The following PAN3 variants were observed in gnomAD, a reference collection of about 807,000 sequenced individuals.
PAN3 encodes poly(A) specific ribonuclease subunit PAN3.
Under a neutral mutation model 96.2 loss-of-function variants are expected in PAN3, and 19 were observed. That is an observed-to-expected ratio of 0.20 (90% CI 0.14 to 0.29). The LOEUF (loss-of-function observed/expected upper bound fraction) is 0.29, where lower values mean the gene tolerates loss of function less well. Ranked by LOEUF, PAN3 falls within the 10% of genes least tolerant of loss-of-function variation. PAN3 has a pLI of 1.00. For missense variants in PAN3, 882 were observed against 1,108.1 expected (o/e 0.80, Z 2.90); for synonymous variants, 433 against 406.6 (o/e 1.06, Z -0.78).
intron 2 of PAN3, 55 bp from the exon 3 acceptor site, chr13:28,176,438 T>G: frequency 6.7e-7 from 1 of 1,502,602 alleles, no homozygotes; most frequent in Non-Finnish European, 9.3e-7. Context: ...ATTGGTTGGA[T>G]ACTTTTATTT....
At chr13:28,218,313 G>T (rs564302868) in intron 5 of PAN3, among the ~76,000 whole-genome samples, 4 of 152,016 alleles carry the variant, frequency 2.6e-5, no homozygotes, top group African/African-American at 9.6e-5. Context: ...GTGTGCTGTT[G>T]TACCTGAATC....
chr13:28,153,221 T>C (rs1339345583), intron 1 of PAN3, among the ~76,000 whole-genome samples: 1 of 150,878 alleles, frequency 6.6e-6, no homozygotes, highest in African/African-American at 2.4e-5. Flanking sequence ...TACAAAACTA[T>C]GTATAATACG....
intron 1 of PAN3, among the ~76,000 whole-genome samples, chr13:28,141,466 T>TC (rs1869815431): frequency 2.4e-5 from 3 of 126,552 alleles, no homozygotes; most frequent in Non-Finnish European, 4.8e-5. Flanking sequence ...TTTTTTCTTT[T>TC]TTTTTTTTTT....
intron 4 of PAN3, among the ~76,000 whole-genome samples, chr13:28,182,388 C>A (rs550332779): frequency 6.6e-6 from 1 of 152,256 alleles, no homozygotes; most frequent in African/African-American, 2.4e-5. Context: ...CTTCCCCCTA[C>A]TTCTTCCATT....
At chr13:28,167,081 A>AT (rs1566151683) in intron 1 of PAN3, among the ~76,000 whole-genome samples, 46 of 127,602 alleles carry the variant, frequency 3.6e-4, no homozygotes, top group African/African-American at 1.5e-3. Flanking sequence ...TTTTTATCTT[A>AT]ATTTTTTTTT....
intron 1 of PAN3, among the ~76,000 whole-genome samples, chr13:28,154,828 C>G (rs995980405): frequency 1.6e-5 from 2 of 124,956 alleles, no homozygotes; most frequent in Non-Finnish European, 3.4e-5. Context: ...TTTTTCTTTT[C>G]TTTTTTTTTT....
intron 5 of PAN3, among the ~76,000 whole-genome samples, chr13:28,203,482 A>G (rs566330241): frequency 1.7e-4 from 26 of 151,312 alleles, no homozygotes; most frequent in African/African-American, 5.8e-4. Context: ...TTTTCTTTGT[A>G]TTTTTTTGTA....
At chr13:28,235,102 G>A (rs760193240) in intron 6 of PAN3, among the ~76,000 whole-genome samples, 6 of 151,992 alleles carry the variant, frequency 3.9e-5, no homozygotes, top group Admixed American at 2.0e-4. Flanking sequence ...TGTGTACTCC[G>A]TTCTGGCCTT....
chr13:28,140,699 G>GTTCTT (rs71866313), intron 1 of PAN3, among the ~76,000 whole-genome samples: 41,196 of 151,568 alleles, frequency 0.27, 7,526 homozygotes, highest in African/African-American at 0.52. Flanking sequence ...GTTCTGTTCT[G>GTTCTT]TTCTTTTCTC....
At chr13:28,234,745 T>C (rs563191238) in intron 6 of PAN3, among the ~76,000 whole-genome samples, 5 of 152,264 alleles carry the variant, frequency 3.3e-5, no homozygotes, top group African/African-American at 9.6e-5. Flanking sequence ...TATTTTTCTT[T>C]CTTTTTTGTT....
intron 18 of PAN3, among the ~76,000 whole-genome samples, chr13:28,290,909 T>A (rs1226779333): frequency 6.6e-6 from 1 of 151,840 alleles, no homozygotes; most frequent in Non-Finnish European, 1.5e-5. Context: ...GAATAAGCCA[T>A]GGACAGTTGC....
At chr13:28,199,430 G>A (rs1160540527) in intron 5 of PAN3, among the ~76,000 whole-genome samples, 2 of 151,936 alleles carry the variant, frequency 1.3e-5, no homozygotes, top group Non-Finnish European at 2.9e-5. Flanking sequence ...TATTGAATTG[G>A]TGTTATCTGA....
chr13:28,230,379 G>A (rs1279725165), intron 6 of PAN3, among the ~76,000 whole-genome samples: 1 of 150,342 alleles, frequency 6.7e-6, no homozygotes, highest in African/African-American at 2.4e-5. Context: ...TACTGTGGCT[G>A]TTTAAAATAT....
At chr13:28,233,175 G>GA (rs1285568376) in intron 6 of PAN3, among the ~76,000 whole-genome samples, 1 of 151,720 alleles carries the variant, frequency 6.6e-6, no homozygotes, top group African/African-American at 2.4e-5. Context: ...TTAAAAAGTG[G>GA]AAAAAAATTA....
chr13:28,158,167 A>C (rs568880011), intron 1 of PAN3, among the ~76,000 whole-genome samples: 38 of 152,326 alleles, frequency 2.5e-4, no homozygotes, highest in African/African-American at 9.1e-4. Context: ...GAAACTGGAC[A>C]CCTTTGTTAC....
At chr13:28,163,884 T>C (rs1028070921) in intron 1 of PAN3, among the ~76,000 whole-genome samples, 3 of 152,184 alleles carry the variant, frequency 2.0e-5, no homozygotes, top group African/African-American at 7.2e-5. Flanking sequence ...TACTCAGTTG[T>C]CTTAAGTCCA....
At chr13:28,268,771 A>G (rs1886383861) in intron 12 of PAN3, among the ~76,000 whole-genome samples, 1 of 152,172 alleles carries the variant, frequency 6.6e-6, no homozygotes, top group African/African-American at 2.4e-5. Context: ...TCAAGACTCT[A>G]ATTATAGACA....
rs544582471 is a variant in PAN3, at chr13:28,263,403, G to C, written c.1411+1945G>C. ...GCTGGAGTACAGTGGCGTGATCGCA[G>C]CTCACTGCAACCTCCGCCTCCTGGG... On this transcript the variant is annotated intron_variant, in intron 9 of 18. Coordinates refer to ENST00000380958, the MANE Select transcript of PAN3 (RefSeq NM_175854.8). Among the ~76,000 whole-genome samples, 4 of 152,354 alleles carry C rather than the reference G, an allele frequency of 2.6e-5. No individual in the cohort carries two copies. The South Asian group carries it at 8.3e-4, about 32-fold the overall frequency.
intron 1 of PAN3, among the ~76,000 whole-genome samples, chr13:28,160,089 A>G (rs910242680): frequency 6.6e-6 from 1 of 151,832 alleles, no homozygotes; most frequent in African/African-American, 2.4e-5. Flanking sequence ...TTACAGGTGT[A>G]CGCCACCACG....
Sources: allele counts gnomAD v4.1 joint callset (sites outside exome capture counted in the v4.1 genomes callset), GRCh38; gene constraint gnomAD v4.1.1; transcripts MANE v1.5; gene names NCBI Gene and HGNC (gene_info 2026-07-23, HGNC 2026-07-21).